Variants in CFP observed in about 807,000 individuals in gnomAD.
The protein encoded by CFP is complement factor properdin, also known as properdin.
In CFP, 14 loss-of-function variants were observed where a neutral mutation model predicts 42.1. The ratio of observed to expected loss-of-function variants is 0.33; its 90% confidence interval spans 0.22 to 0.52. CFP has a LOEUF of 0.52. Among genes scored for constraint, CFP ranks in the 20% least tolerant of loss-of-function variants. CFP has a pLI of 0.96. For missense variants in CFP, 318 were observed against 400.4 expected (o/e 0.79, Z 1.76); for synonymous variants, 149 against 160.6 (o/e 0.93, Z 0.54).
chrX:47,629,157 A>G (rs1037797212), intron 2 of CFP: 2 of 214,100 alleles, frequency 9.3e-6, no homozygotes, highest in South Asian at 8.8e-5. Context: ...GAGGTGCTCA[A>G]TATGTGTGAG....
intron 8 of CFP, 79 bp from the exon 9 acceptor site, chrX:47,624,519 C>T: frequency 1.3e-6 from 1 of 791,737 alleles, no homozygotes; most frequent in Non-Finnish European, 1.8e-6. Flanking sequence ...TATTGAGTGC[C>T]TGCTATATGC....
At chrX:47,629,490 TCCC>T in intron 2 of CFP, 31 bp downstream of exon 2, 1 of 375,010 alleles carries the variant, frequency 2.7e-6, no homozygotes, top group Non-Finnish European at 4.8e-6. Context: ...AGTCCTTCCC[TCCC>T]CCCCATCCCC....
intron 2 of CFP, chrX:47,628,504 T>C (rs754406508): frequency 4.6e-5 from 18 of 393,079 alleles, no homozygotes; most frequent in South Asian, 1.3e-4. Flanking sequence ...GGAGTTACCA[T>C]TGGAAGGCTG....
In CFP at chrX:47,624,636, C is replaced by T. The variant is rs956086154; in HGVS notation, c.1245-196G>A. On this transcript the variant is annotated intron_variant, in intron 8 of 8. Coordinates refer to ENST00000396992, the MANE Select transcript of CFP (RefSeq NM_001145252.3). ...GTGGCACAATCATAGCTCACTGCAG[C>T]CTCAATCTCCTGGGCTCAAGTGATG... 1.9e-5 allele frequency: 7 copies of T among 366,712 alleles called. No homozygotes were observed. In the African/African-American group the frequency reaches 2.0e-4, roughly 10 times the overall value. 30.2% of individuals were successfully genotyped at this position (366,712 alleles called of 1,213,427 possible).
At chrX:47,627,753 T>C in intron 3 of CFP, 112 bp from the exon 4 acceptor site, 1 of 838,568 alleles carries the variant, frequency 1.2e-6, no homozygotes, top group African/African-American at 2.1e-5. Context: ...TCTGCCACCA[T>C]TCTGGGCCCA....
Position 47,624,015 on chromosome X carries a change from G to C in CFP, c.*260C>G. 2.6e-6 allele frequency: 1 copy of C among 386,202 alleles called. No individual in the cohort carries two copies. The highest frequency in any genetic ancestry group is 3.5e-5 in the South Asian group (1 of 28,734). 31.8% of individuals were successfully genotyped at this position (386,202 alleles called of 1,213,427 possible). ...GCAGGGCCCAGACATTGGGGTTATG[G>C]CAGCGGCGGGGAGAGGCTGGGACTG... On this transcript the variant is annotated 3_prime_UTR_variant, in exon 9 of 9. Transcript: ENST00000396992.
chrX:47,624,585 C>G, intron 8 of CFP, 145 bp from the exon 9 acceptor site: 4 of 474,480 alleles, frequency 8.4e-6, no homozygotes, highest in Non-Finnish European at 1.3e-5. Context: ...GGCAGGGTCT[C>G]ACTCTGTTGC....
At chrX:47,625,437 A>G (rs1321132883) in intron 8 of CFP, 1 of 123,713 alleles carries the variant, frequency 8.1e-6, no homozygotes, top group Non-Finnish European at 1.7e-5. Flanking sequence ...GGAAACACTT[A>G]TAGCGGCTAA....
rs757262582 is a variant in CFP, at chrX:47,626,533, G to T, written c.941-14C>A. 7.5e-6 allele frequency: 9 copies of T among 1,207,908 alleles called. No homozygotes were observed. The highest frequency in any genetic ancestry group is 1.0e-5 in the Non-Finnish European group (9 of 893,227). ...ACTCCCCATCCACTGCAGAGACAGG[G>T]CAACAGGGGATTGGACCAAAGCAGG... On this transcript the variant is annotated splice_polypyrimidine_tract_variant and intron_variant, in intron 6 of 8. Transcript: ENST00000396992.
At chrX:47,628,804 C>T (rs1157998995) in intron 2 of CFP, 2 of 235,383 alleles carry the variant, frequency 8.5e-6, no homozygotes, top group Admixed American at 5.4e-5. Context: ...GCTCCCCATG[C>T]CCACGGTGTA....
intron 8 of CFP, chrX:47,625,809 T>G: frequency 1.2e-5 from 5 of 424,645 alleles, no homozygotes; most frequent in Non-Finnish European, 2.1e-5. Context: ...TCGGAGTCAA[T>G]GACACATGAA....
intron 3 of CFP, among the ~76,000 whole-genome samples, 184 bp from the exon 4 acceptor site, chrX:47,627,825 C>T (rs758567724): frequency 2.7e-5 from 3 of 112,043 alleles, no homozygotes; most frequent in Non-Finnish European, 5.6e-5. Context: ...CTTCCCCTCT[C>T]ACCCTCACCG....
chrX:47,625,481 A>G (rs1455563610), intron 8 of CFP: 1 of 140,390 alleles, frequency 7.1e-6, no homozygotes, highest in Non-Finnish European at 1.4e-5. Flanking sequence ...CACAGTCTTG[A>G]TGCCAGGAAT....
intron 2 of CFP, 35 bp downstream of exon 2, chrX:47,629,489 C>CGA: frequency 3.1e-6 from 2 of 654,459 alleles, no homozygotes; most frequent in Non-Finnish European, 4.8e-6. Flanking sequence ...CAGTCCTTCC[C>CGA]TCCCCCCCAT....
Position 47,626,837 on chromosome X carries a change from C to G in CFP, c.876G>C (p.Gly292=), listed in dbSNP as rs1181047950. The G allele has an allele frequency of 2.5e-6, 3 of 1,209,944 alleles. No homozygotes were observed. The highest frequency in any genetic ancestry group is 3.4e-6 in the Non-Finnish European group (3 of 894,795). The change falls in exon 6 of 9, where the codon GGG becomes GGC. Residue 292 remains glycine, a synonymous_variant. Coordinates refer to ENST00000396992, the MANE Select transcript of CFP (RefSeq NM_001145252.3). ...RTCNHPVPQH[G]GPFCAGDATR... is the part of the protein sequence containing the mutation. The stretch of plus-strand genomic sequence containing the variant: ...TGGCATCGCCAGCACAGAAGGGGCC[C>G]CCATGCTGGGGCACAGGGTGATTGC...
intron 8 of CFP, chrX:47,625,734 C>T: frequency 3.0e-6 from 1 of 330,377 alleles, no homozygotes; most frequent in Non-Finnish European, 5.5e-6. Context: ...GCATGAGTGA[C>T]TGTGGGAGGC....
chrX:47,627,054 T>C, intron 5 of CFP, 87 bp downstream of exon 5: 1 of 1,154,559 alleles, frequency 8.7e-7, no homozygotes, highest in Non-Finnish European at 1.2e-6. Flanking sequence ...CATGGTCACA[T>C]GGCCTAGGAA....
intron 8 of CFP, 43 bp downstream of exon 8, chrX:47,626,015 A>G (rs1255231049): frequency 3.7e-6 from 4 of 1,068,186 alleles, no homozygotes; most frequent in Non-Finnish European, 5.1e-6. Flanking sequence ...CCCGCCTGTA[A>G]TATAATGACC....
intron 2 of CFP, 35 bp downstream of exon 2, chrX:47,629,489 C>CCG: frequency 1.5e-6 from 1 of 654,461 alleles, no homozygotes; most frequent in Non-Finnish European, 2.4e-6. Flanking sequence ...CAGTCCTTCC[C>CCG]TCCCCCCCAT....
Sources: gnomAD v4.1 joint callset for allele counts (sites outside exome capture counted in the v4.1 genomes callset) on GRCh38, gnomAD v4.1.1 for gene constraint, MANE v1.5 for transcripts, NCBI Gene and HGNC (gene_info 2026-07-23, HGNC 2026-07-21) for gene names.